Variants in POFUT2 observed in about 807,000 individuals in gnomAD.
The protein encoded by POFUT2 is GDP-fucose protein O-fucosyltransferase 2.
In POFUT2, 30 loss-of-function variants were observed where a neutral mutation model predicts 55.0. The observed-to-expected ratio is 0.55, with a 90% CI of 0.41 to 0.74. POFUT2 has a LOEUF of 0.74. POFUT2 is among the 30% of genes least tolerant of loss of function. The probability of loss-of-function intolerance (pLI) is 0.00; values close to 1 mark genes in which losing one functional copy is unlikely to be tolerated. For missense variants in POFUT2, 524 were observed against 562.6 expected (o/e 0.93, Z 0.69); for synonymous variants, 267 against 231.1 (o/e 1.16, Z -1.41).
At chr21:45,283,321 A>T (rs1314939550) in intron 3 of POFUT2, 62 bp downstream of exon 3, 2 of 268,374 alleles carry the variant, frequency 7.5e-6, no homozygotes, top group Non-Finnish European at 1.1e-5. Context: ...GGGGGGGGGG[A>T]CGCATGCGGC....
At chr21:45,269,409 A>C (rs1753885552) in intron 7 of POFUT2, among the ~76,000 whole-genome samples, 1 of 152,016 alleles carries the variant, frequency 6.6e-6, no homozygotes, top group Admixed American at 6.5e-5. Context: ...AGAAAGAAGT[A>C]GACATGGGAG....
At chr21:45,269,073 C>T in intron 7 of POFUT2, among the ~76,000 whole-genome samples, 1 of 135,134 alleles carries the variant, frequency 7.4e-6, no homozygotes, top group Non-Finnish European at 1.6e-5. Flanking sequence ...GCCGCCCCGT[C>T]CGGGAGGTGA....
chr21:45,268,816 G>A (rs2093185398), intron 7 of POFUT2, among the ~76,000 whole-genome samples: 3 of 145,992 alleles, frequency 2.1e-5, no homozygotes, highest in South Asian at 2.2e-4. Context: ...GGAGGTGGGG[G>A]GGTCAGCCCT....
At chr21:45,271,991 A>T (rs1297640455) in intron 6 of POFUT2, among the ~76,000 whole-genome samples, 1 of 152,228 alleles carries the variant, frequency 6.6e-6, no homozygotes, top group Non-Finnish European at 1.5e-5. Context: ...GCAATGAAAA[A>T]GAAAGAAAAC....
At chr21:45,287,316 C>T (rs2031556916) in intron 1 of POFUT2, among the ~76,000 whole-genome samples, 1 of 82,124 alleles carries the variant, frequency 1.2e-5, no homozygotes, top group East Asian at 3.8e-4. Context: ...CATCCCACCC[C>T]TCCTGGCCCT....
chr21:45,283,597 C>T (rs1326944648), intron 2 of POFUT2, 70 bp from the exon 3 acceptor site: 31 of 1,519,058 alleles, frequency 2.0e-5, no homozygotes, highest in Non-Finnish European at 2.7e-5. Flanking sequence ...ATGCATCAGT[C>T]ACCAGCAGCT....
In POFUT2 at chr21:45,269,890, T is replaced by TC; in HGVS notation, c.960dup (p.Lys321GlufsTer20). On this transcript the variant is annotated frameshift_variant, in exon 7 of 9. Coordinates refer to ENST00000349485, the MANE Select transcript of POFUT2 (RefSeq NM_133635.6). LOFTEE classifies it high-confidence loss of function. ...AACACCTTGTCCAGCCGGTGGGTCT[T>TC]CATGAGGCTGCGGATCTTCCTCACG... The TC allele has an allele frequency of 6.2e-7, 1 of 1,611,742 alleles. No homozygotes were observed. Among genetic ancestry groups the TC allele is most frequent in the Non-Finnish European group, 8.5e-7 (1 of 1,179,302 alleles).
chr21:45,265,974 A>C lies in POFUT2; in HGVS notation c.1137-339T>G. 1 of 1,232,030 alleles carries C rather than the reference A, an allele frequency of 8.1e-7. No homozygotes were observed. Among genetic ancestry groups the C allele is most frequent in the Non-Finnish European group, 1.0e-6 (1 of 968,330 alleles). The allele number at this position is 1,232,030 out of a possible 1,614,324, so 76.3% of individuals were successfully genotyped here. On this transcript the variant is annotated intron_variant, in intron 8 of 8. Coordinates refer to ENST00000349485, the MANE Select transcript of POFUT2 (RefSeq NM_133635.6). The surrounding 1 kb of genome is among the most constrained non-coding windows in gnomAD (Gnocchi z 4.6). Reference sequence around the variant, plus strand: ...AGGCCAGGCACGCCAGTGCAGGTCGAATACCTCCTGGGGGTCACATGGTGA... The same window carrying C: ...AGGCCAGGCACGCCAGTGCAGGTCGCATACCTCCTGGGGGTCACATGGTGA...
At chr21:45,280,071 C>T (rs548254108) in intron 4 of POFUT2, among the ~76,000 whole-genome samples, 11 of 152,260 alleles carry the variant, frequency 7.2e-5, no homozygotes, top group Admixed American at 5.2e-4. Flanking sequence ...CACACGGGCG[C>T]GGGTAGAGGA....
rs996052104 is a variant in POFUT2, at chr21:45,264,145, G to A, written c.*1337C>T. On this transcript the variant is annotated 3_prime_UTR_variant, in exon 9 of 9. Transcript: ENST00000349485. ...CACACGTTCAGGGTCAATTTTAAAA[G>A]CTTGAGAAGACACAGCAAGGTGATG... 4 of 152,234 alleles carry A rather than the reference G, an allele frequency of 2.6e-5. No homozygotes were observed. The highest frequency in any genetic ancestry group is 9.6e-5 in the African/African-American group (4 of 41,464). 9.4% of individuals were successfully genotyped at this position (152,234 alleles called of 1,614,324 possible).
intron 4 of POFUT2, among the ~76,000 whole-genome samples, chr21:45,278,670 G>GA (rs2030135771): frequency 6.6e-6 from 1 of 152,208 alleles, no homozygotes; most frequent in South Asian, 2.1e-4. Flanking sequence ...CGTCTCGTCC[G>GA]AATTACTGCA....
intron 8 of POFUT2, chr21:45,266,554 G>T (rs994793718): frequency 3.1e-5 from 33 of 1,072,156 alleles, no homozygotes; most frequent in Non-Finnish European, 3.2e-5. Flanking sequence ...AAATCCCAAG[G>T]CCACACCTGA....
intron 3 of POFUT2, 180 bp downstream of exon 3, chr21:45,283,203 G>A (rs1339768918): frequency 7.0e-6 from 3 of 429,970 alleles, no homozygotes; most frequent in South Asian, 6.3e-5. Context: ...TTGCGGCCGG[G>A]GGGAGTGGGG....
rs1430720542 is a variant in POFUT2, at chr21:45,282,330, G to C, written c.638+19C>G. On this transcript the variant is annotated intron_variant, in intron 4 of 8. Coordinates refer to ENST00000349485, the MANE Select transcript of POFUT2 (RefSeq NM_133635.6). The surrounding 1 kb of genome is among the most constrained non-coding windows in gnomAD (Gnocchi z 4.6). ...CGCCACAGCCTCCAGGCTGCTCCCGGGGGGCCTGGGGCACTCACCGGGCTG... is the reference window on the plus strand; with the variant it reads ...CGCCACAGCCTCCAGGCTGCTCCCGCGGGGCCTGGGGCACTCACCGGGCTG... 1 of 1,525,274 alleles carries C rather than the reference G, an allele frequency of 6.6e-7. No homozygotes were observed. The highest frequency in any genetic ancestry group is 1.4e-5 in the African/African-American group (1 of 73,186). 94.5% of individuals were successfully genotyped at this position (1,525,274 alleles called of 1,614,324 possible).
rs114428891 is a variant in POFUT2, at chr21:45,284,348, C to T, written c.383-821G>A. Among the ~76,000 whole-genome samples, 1 of 152,276 alleles carries T rather than the reference C, an allele frequency of 6.6e-6. No individual in the cohort carries two copies. The highest frequency in any genetic ancestry group is 2.1e-4 in the South Asian group (1 of 4,826). The stretch of plus-strand genomic sequence containing the variant: ...GCCTAAGGGCCTGAGGCCACAGCTG[C>T]GGGGGCTTCTTTTAGGCTAGTGGGA... On this transcript the variant is annotated intron_variant, in intron 2 of 8. Transcript: ENST00000349485. This position sits in a 1 kb window ranked among gnomAD's most constrained non-coding sequence, Gnocchi z 5.8.
chr21:45,275,628 TC>T (rs1184387973), intron 6 of POFUT2, among the ~76,000 whole-genome samples: 2 of 152,236 alleles, frequency 1.3e-5, no homozygotes, highest in Non-Finnish European at 2.9e-5. Flanking sequence ...AGACCATTAT[TC>T]TAAGTGAAGT....
intron 7 of POFUT2, among the ~76,000 whole-genome samples, chr21:45,268,127 G>C (rs2093174509): frequency 6.6e-6 from 1 of 151,616 alleles, no homozygotes; most frequent in African/African-American, 2.4e-5. Context: ...CCGAGTGCCT[G>C]CGATTGCAGG....
rs1602142031 is a variant in POFUT2 at position 45,265,891 on chromosome 21, C to T, written c.1137-256G>A. 1 of 1,339,880 alleles carries T rather than the reference C, an allele frequency of 7.5e-7. No individual in the cohort carries two copies. The highest frequency in any genetic ancestry group is 3.1e-5 in the East Asian group (1 of 32,332). 83.0% of individuals were successfully genotyped at this position (1,339,880 alleles called of 1,614,324 possible). A position where few individuals can be genotyped will look rare whatever the true frequency, so the allele number is the denominator to read the frequency against. On this transcript the variant is annotated intron_variant, in intron 8 of 8. Transcript: ENST00000349485. The surrounding 1 kb of genome is among the most constrained non-coding windows in gnomAD (Gnocchi z 4.6). ...TCCACACCCCACAGTCAGCAGCCGC[C>T]ACGCTCCTGTCCCACCGCATGTCCC...
Position 45,285,491 on chromosome 21 carries a change from CG to C in POFUT2, c.382+186del. ...AAACATTTTGGGAAGCTCACTGCAG[CG>C]TGGGAAAGGGACTGTGCTCCTGAAC... On this transcript the variant is annotated intron_variant, in intron 2 of 8. Coordinates refer to ENST00000349485, the MANE Select transcript of POFUT2 (RefSeq NM_133635.6). The surrounding 1 kb of genome is among the most constrained non-coding windows in gnomAD (Gnocchi z 4.9). 1.4e-6 allele frequency: 1 copy of C among 709,272 alleles called. No homozygotes were observed. The highest frequency in any genetic ancestry group is 2.5e-6 in the Non-Finnish European group (1 of 398,678). The allele number at this position is 709,272 out of a possible 1,614,324, so 43.9% of individuals were successfully genotyped here.
Sources: allele counts gnomAD v4.1 joint callset (sites outside exome capture counted in the v4.1 genomes callset), GRCh38; gene constraint gnomAD v4.1.1; non-coding constraint Gnocchi (gnomAD v3.1); transcripts MANE v1.5; gene names NCBI Gene and HGNC (gene_info 2026-07-23, HGNC 2026-07-21).